SSUH2: variants seen among roughly 807,000 people sequenced by gnomAD.
SSUH2 encodes ssu-2 homolog.
SSUH2 carries 47 observed loss-of-function variants against 55.3 expected under a neutral mutation model. The ratio of observed to expected loss-of-function variants is 0.85; its 90% CI spans 0.67 to 1.08. The LOEUF is 1.08. Ranked by LOEUF, SSUH2 falls within the 50% of genes least tolerant of loss-of-function variation. The probability of loss-of-function intolerance (pLI) is 0.00; values close to 1 mark genes in which losing one functional copy is unlikely to be tolerated. For synonymous variants in SSUH2, 212 were observed against 191.5 expected (o/e 1.11, Z -0.89); for missense variants, 535 against 490.7 (o/e 1.09, Z -0.85).
chr3:8,620,498 C>T (rs1184136061), intron 11 of SSUH2, among the ~76,000 whole-genome samples: 1 of 152,216 alleles, frequency 6.6e-6, no homozygotes, highest in African/African-American at 2.4e-5. Context: ...AACAGACTAA[C>T]ACAGCATTCT....
chr3:8,658,131 A>C (rs751128314), intron 7 of SSUH2, among the ~76,000 whole-genome samples: 7 of 152,204 alleles, frequency 4.6e-5, no homozygotes, highest in Non-Finnish European at 8.8e-5. Flanking sequence ...CAGCTTCTAC[A>C]TCAGAAAACT....
upstream of SSUH2, among the ~76,000 whole-genome samples, chr3:8,646,956 T>C (rs148790790): frequency 1.1e-4 from 16 of 152,330 alleles, no homozygotes; most frequent in South Asian, 2.1e-4. Flanking sequence ...TCAAGAAACA[T>C]TTGTGGAATT....
chr3:8,631,288 A>G (rs1420467267), intron 5 of SSUH2, among the ~76,000 whole-genome samples: 1 of 152,182 alleles, frequency 6.6e-6, no homozygotes, highest in Non-Finnish European at 1.5e-5. Flanking sequence ...AATTGTTAGC[A>G]CCAGGAATGG....
chr3:8,629,479 A>AGACC, intron 7 of SSUH2, 185 bp downstream of exon 7: 1 of 597,522 alleles, frequency 1.7e-6, no homozygotes, highest in South Asian at 2.1e-5. Flanking sequence ...GTGTCATTAG[A>AGACC]GACCACACAA....
intron 3 of SSUH2, among the ~76,000 whole-genome samples, chr3:8,673,775 T>A (rs1704893737): frequency 6.6e-6 from 1 of 151,952 alleles, no homozygotes; most frequent in African/African-American, 2.4e-5. Flanking sequence ...TGGACCCACG[T>A]GAAAGAGAGG....
Position 8,619,801 on chromosome 3 carries a change from C to T in SSUH2, c.*67G>A. On this transcript the variant is annotated 3_prime_UTR_variant, in exon 12 of 12. Coordinates refer to ENST00000544814, the MANE Select transcript of SSUH2 (RefSeq NM_001256748.3). ...TCCAATGCAGCCAACAGTGAACACA[C>T]TCAGAGAGTGTCGGCCATCTTCCTT... The T allele has an allele frequency of 6.4e-7, 1 of 1,572,540 alleles. No homozygotes were observed. Among genetic ancestry groups the T allele is most frequent in the South Asian group, 1.2e-5 (1 of 83,794 alleles).
upstream of SSUH2, among the ~76,000 whole-genome samples, chr3:8,646,398 TA>T (rs1448462189): frequency 1.3e-5 from 2 of 152,158 alleles, no homozygotes; most frequent in Non-Finnish European, 2.9e-5. Flanking sequence ...GAAAATTCTT[TA>T]AATGTCAAAT....
chr3:8,631,512 A>C lies in SSUH2; in HGVS notation c.400+537T>G, dbSNP rs145003851. Among the ~76,000 whole-genome samples, 987 of 152,290 alleles carry C rather than the reference A, an allele frequency of 6.5e-3. 9 individuals are homozygous for C. The highest frequency in any genetic ancestry group is 0.022 in the African/African-American group (928 of 41,570). On this transcript the variant is annotated intron_variant, in intron 5 of 11. Transcript: ENST00000544814. Reference sequence around the variant, plus strand: ...CCCATCCTGCTGGGAGGGGAGCAGCAGGAGGAGAAATCCTGAAAAGCTTCT... The same window carrying C: ...CCCATCCTGCTGGGAGGGGAGCAGCCGGAGGAGAAATCCTGAAAAGCTTCT...
At chr3:8,627,604 G>C in intron 8 of SSUH2, 94 bp downstream of exon 8, 1 of 1,078,224 alleles carries the variant, frequency 9.3e-7, no homozygotes, top group Non-Finnish European at 1.3e-6. Context: ...GCAGTGACGA[G>C]ACAGATGGGT....
chr3:8,668,777 CTCTT>C (rs1248364913), intron 5 of SSUH2, among the ~76,000 whole-genome samples: 2 of 152,178 alleles, frequency 1.3e-5, no homozygotes, highest in Non-Finnish European at 2.9e-5. Context: ...TTTCATGAGT[CTCTT>C]TCACAATATG....
chr3:8,678,177 A>T (rs1705568544), intron 2 of SSUH2, among the ~76,000 whole-genome samples: 1 of 151,972 alleles, frequency 6.6e-6, no homozygotes. Flanking sequence ...TCTGCCATAC[A>T]TGAAGTCATA....
At chr3:8,660,268 C>T (rs1028304886) in intron 6 of SSUH2, among the ~76,000 whole-genome samples, 1 of 152,154 alleles carries the variant, frequency 6.6e-6, no homozygotes, top group African/African-American at 2.4e-5. Flanking sequence ...CCCTTGAGGG[C>T]ACAGTGACTT....
chr3:8,675,698 CTT>C (rs1705169449), intron 3 of SSUH2, among the ~76,000 whole-genome samples: 3 of 152,146 alleles, frequency 2.0e-5, no homozygotes, highest in Admixed American at 6.5e-5. Flanking sequence ...GGATCCCAAA[CTT>C]TGCAGTACTA....
chr3:8,627,818 C>G, intron 7 of SSUH2, 35 bp from the exon 8 acceptor site: 2 of 1,582,452 alleles, frequency 1.3e-6, no homozygotes, highest in Non-Finnish European at 1.7e-6. Flanking sequence ...CCCCGCTGGC[C>G]TCCCAGGAAG....
chr3:8,672,856 C>G lies in SSUH2; in HGVS notation c.-752-821G>C, dbSNP rs149049464. On this transcript the variant is annotated intron_variant, in intron 3 of 18. Transcript: ENST00000317371. ...CTGCTATCTTGGGAGTAACGTCATACGCCATCCTCTGGAGATGATATTCGG... is the reference window on the plus strand; with the variant it reads ...CTGCTATCTTGGGAGTAACGTCATAGGCCATCCTCTGGAGATGATATTCGG... Among the ~76,000 whole-genome samples, 609 of 152,208 alleles carry G rather than the reference C, an allele frequency of 4.0e-3. 1 individual carries two copies. Among genetic ancestry groups the G allele is most frequent in the Admixed American group, 0.01 (160 of 15,284 alleles).
chr3:8,637,503 C>T (rs1490216083), intron 1 of SSUH2, among the ~76,000 whole-genome samples: 1 of 152,218 alleles, frequency 6.6e-6, no homozygotes, highest in Non-Finnish European at 1.5e-5. Context: ...TCTGACCCCA[C>T]TTGACATGAG....
chr3:8,623,454 C>T (rs1047231632), intron 11 of SSUH2, 95 bp downstream of exon 11: 19 of 809,970 alleles, frequency 2.3e-5, no homozygotes, highest in South Asian at 4.4e-5. Context: ...CTCACCTCTA[C>T]GTCCTCATCC....
chr3:8,663,948 T>C (rs1559517225), intron 5 of SSUH2: 1 of 406,174 alleles, frequency 2.5e-6, no homozygotes. Flanking sequence ...GGTTAGACAG[T>C]GAGGGATTCT....
chr3:8,658,618 G>C (rs1478439599), intron 7 of SSUH2, among the ~76,000 whole-genome samples: 1 of 152,188 alleles, frequency 6.6e-6, no homozygotes. Flanking sequence ...CTGCCCACTG[G>C]AAAGGCAAAG....
Sources: allele counts gnomAD v4.1 joint callset (sites outside exome capture counted in the v4.1 genomes callset), GRCh38; gene constraint gnomAD v4.1.1; transcripts MANE v1.5; gene names NCBI Gene and HGNC (gene_info 2026-07-23, HGNC 2026-07-21).